The following NALF1 variants were observed in gnomAD, a reference collection of about 807,000 sequenced individuals.
NALF1 encodes the protein family with sequence similarity 155 member A.
NALF1 carries 3 observed loss-of-function variants against 48.4 expected under a neutral mutation model. The ratio of observed to expected loss-of-function variants is 0.06; its 90% CI spans 0.03 to 0.16. The LOEUF (loss-of-function observed/expected upper bound fraction) is 0.16, where lower values mean the gene tolerates loss of function less well. NALF1 is among the 10% of genes least tolerant of loss of function. The probability of loss-of-function intolerance (pLI) is 1.00; values close to 1 mark genes in which losing one functional copy is unlikely to be tolerated. For synonymous variants in NALF1, 262 were observed against 245.7 expected (o/e 1.07, Z -0.62); for missense variants, 526 against 571.5 (o/e 0.92, Z 0.81).
intron 1 of NALF1, among the ~76,000 whole-genome samples, chr13:107,831,956 A>G (rs1879746051): frequency 6.6e-6 from 1 of 152,168 alleles, no homozygotes. Flanking sequence ...TCGCATTTCA[A>G]TTGTTTGAGG....
chr13:107,414,001 G>A (rs916298610), intron 1 of NALF1, among the ~76,000 whole-genome samples: 19 of 152,130 alleles, frequency 1.2e-4, no homozygotes, highest in Admixed American at 9.2e-4. Flanking sequence ...TGGCCAGGCT[G>A]GACTGGAACT....
intron 1 of NALF1, among the ~76,000 whole-genome samples, chr13:107,422,200 T>C (rs1222232060): frequency 6.6e-6 from 1 of 152,170 alleles, no homozygotes; most frequent in East Asian, 1.9e-4. Flanking sequence ...TAGCAAAAAG[T>C]GAAACTTGTA....
chr13:107,605,931 G>C (rs868537977), intron 1 of NALF1, among the ~76,000 whole-genome samples: 2 of 152,166 alleles, frequency 1.3e-5, no homozygotes, highest in South Asian at 2.1e-4. Flanking sequence ...ACCCAGCCAG[G>C]CTGTATCATT....
chr13:107,850,308 T>G lies in NALF1; in HGVS notation c.915+15374A>C, dbSNP rs116021800. 6.3e-3 allele frequency among the ~76,000 whole-genome samples: 954 copies of G among 152,330 alleles called. 11 individuals carry two copies. The highest frequency in any genetic ancestry group is 0.022 in the African/African-American group (912 of 41,564). On this transcript the variant is annotated intron_variant, in intron 1 of 2. Transcript: ENST00000375915. ...AAAAGATAAAATTTGATTAAATCAA[T>G]TATATTTAAAAAGACAGAAGAATGT...
chr13:107,525,069 C>G (rs552826624), intron 1 of NALF1, among the ~76,000 whole-genome samples: 1 of 152,008 alleles, frequency 6.6e-6, no homozygotes, highest in African/African-American at 2.4e-5. Context: ...GTAGAAAATC[C>G]GGCAAATCTC....
At chr13:107,758,678 G>A (rs541779366) in intron 1 of NALF1, among the ~76,000 whole-genome samples, 15 of 152,134 alleles carry the variant, frequency 9.9e-5, no homozygotes, top group Non-Finnish European at 1.0e-4. Context: ...CCGAGATAGC[G>A]CCACTGCACT....
At chr13:107,337,968 G>A (rs941859576) in intron 1 of NALF1, among the ~76,000 whole-genome samples, 1 of 152,138 alleles carries the variant, frequency 6.6e-6, no homozygotes, top group African/African-American at 2.4e-5. Flanking sequence ...TGGTGTCTGT[G>A]GTTATGCTGG....
At chr13:107,679,422 G>A (rs1881218558) in intron 1 of NALF1, among the ~76,000 whole-genome samples, 1 of 152,180 alleles carries the variant, frequency 6.6e-6, no homozygotes. Flanking sequence ...AGAAGCGAGT[G>A]TTAGATCCCG....
At chr13:107,502,245 T>G (rs1211525117) in intron 1 of NALF1, among the ~76,000 whole-genome samples, 1 of 152,172 alleles carries the variant, frequency 6.6e-6, no homozygotes, top group Non-Finnish European at 1.5e-5. Flanking sequence ...TCATATTATG[T>G]TTTATTCCAA....
chr13:107,551,002 C>T (rs1430175951), intron 1 of NALF1, among the ~76,000 whole-genome samples: 3 of 152,102 alleles, frequency 2.0e-5, no homozygotes, highest in Non-Finnish European at 2.9e-5. Flanking sequence ...TACCTGTGGC[C>T]CCGTATGTGG....
At chr13:107,366,226 T>C (rs375764348) in intron 1 of NALF1, among the ~76,000 whole-genome samples, 1 of 152,284 alleles carries the variant, frequency 6.6e-6, no homozygotes, top group South Asian at 2.1e-4. Context: ...GATTTAAATA[T>C]ACAGAAACTG....
intron 1 of NALF1, among the ~76,000 whole-genome samples, chr13:107,518,961 A>C (rs2139094408): frequency 6.6e-6 from 1 of 152,326 alleles, no homozygotes; most frequent in Middle Eastern, 3.4e-3. Context: ...AATTGGAATA[A>C]GGTTGAAGTA....
intron 1 of NALF1, among the ~76,000 whole-genome samples, chr13:107,758,347 T>G (rs1391204694): frequency 1.3e-5 from 2 of 152,228 alleles, no homozygotes; most frequent in Admixed American, 1.3e-4. Context: ...AGCAAAGCTA[T>G]AAAACAATTC....
At position 107,358,168 on chromosome 13, in the gene NALF1, A is replaced by ATG. The variant is rs59782928; in HGVS notation, c.916-147415_916-147414dup. Among the ~76,000 whole-genome samples, 312 of 143,944 alleles carry ATG rather than the reference A, an allele frequency of 2.2e-3. 1 individual carries two copies. The highest frequency in any genetic ancestry group is 5.5e-3 in the South Asian group (25 of 4,564). 94.4% of individuals were successfully genotyped at this position (143,944 alleles called of 152,430 possible). On this transcript the variant is annotated intron_variant, in intron 1 of 2. Coordinates refer to ENST00000375915, the MANE Select transcript of NALF1 (RefSeq NM_001080396.3). Reference sequence around the variant, plus strand: ...TATACCTATTTTATATACGTAACATATGTGTGTGTGTGTGTGTGTGTGTGT... The same window carrying ATG: ...TATACCTATTTTATATACGTAACATATGTGTGTGTGTGTGTGTGTGTGTGTGT...
chr13:107,308,930 T>C (rs1881992752), intron 1 of NALF1, among the ~76,000 whole-genome samples: 2 of 152,248 alleles, frequency 1.3e-5, no homozygotes. Context: ...CTGCTCATTA[T>C]TTTAATTCCT....
intron 1 of NALF1, among the ~76,000 whole-genome samples, chr13:107,638,908 C>T (rs994913146): frequency 6.6e-6 from 1 of 152,046 alleles, no homozygotes; most frequent in Admixed American, 6.6e-5. Flanking sequence ...GTAAGTGGGG[C>T]CAGATCTCGC....
chr13:107,380,910 G>A (rs558665465), intron 1 of NALF1, among the ~76,000 whole-genome samples: 124 of 149,874 alleles, frequency 8.3e-4, no homozygotes, highest in Non-Finnish European at 1.1e-3. Flanking sequence ...CCTGGGAGGC[G>A]GAGCTTGCAG....
chr13:107,382,316 A>G (rs951242726), intron 1 of NALF1, among the ~76,000 whole-genome samples: 9 of 152,224 alleles, frequency 5.9e-5, no homozygotes, highest in Non-Finnish European at 1.3e-4. Context: ...GAATAGTTAT[A>G]TAAACAACTC....
chr13:107,532,156 G>A (rs1466165519), intron 1 of NALF1, among the ~76,000 whole-genome samples: 1 of 151,942 alleles, frequency 6.6e-6, no homozygotes, highest in African/African-American at 2.4e-5. Context: ...AGACAACCAA[G>A]AACAAAATGA....
Sources: gnomAD v4.1 joint callset for allele counts (sites outside exome capture counted in the v4.1 genomes callset) on GRCh38, gnomAD v4.1.1 for gene constraint, MANE v1.5 for transcripts, NCBI Gene and HGNC (gene_info 2026-07-23, HGNC 2026-07-21) for gene names.